Variants in HBE1 observed in about 807,000 individuals in gnomAD.
The protein encoded by HBE1 is hemoglobin subunit epsilon.
Under a neutral mutation model 12.1 loss-of-function variants are expected in HBE1, and 10 were observed. That is an observed-to-expected ratio of 0.83 (90% CI 0.51 to 1.40). The LOEUF is 1.40. Ranked by LOEUF, HBE1 falls within the 40% of genes most tolerant of loss-of-function variation. The pLI, the probability that HBE1 is intolerant of heterozygous loss-of-function variation, is 0.00. For missense variants in HBE1, 172 were observed against 175.8 expected (o/e 0.98, Z 0.12); for synonymous variants, 78 against 70.4 (o/e 1.11, Z -0.54).
Position 5,269,645 on chromosome 11 carries a change from A to G in HBE1, c.124T>C (p.Phe42Leu). 1 of 1,613,614 alleles carries G rather than the reference A, an allele frequency of 6.2e-7. No homozygotes were observed. The highest frequency in any genetic ancestry group is 8.5e-7 in the Non-Finnish European group (1 of 1,179,534). Residue 42 changes from phenylalanine to leucine, a missense_variant, in exon 2 of 3, where the codon TTT becomes CTT. By Grantham distance (22) the Phe-to-Leu change is conservative (BLOSUM62 0). Transcript: ENST00000396895. ...LLVVYPWTQR[F>L]FDSFGNLSSP... is the part of the protein sequence containing the mutation. The stretch of plus-strand genomic sequence containing the variant: ...GACAGGTTTCCAAAGCTGTCAAAAA[A>G]TCTCTGGGTCCAGGGGTAAACAACG...
chr11:5,268,777 A>G (rs1370586633), intron 2 of HBE1, among the ~76,000 whole-genome samples, 180 bp from the exon 3 acceptor site: 3 of 152,180 alleles, frequency 2.0e-5, no homozygotes, highest in Admixed American at 6.5e-5. Flanking sequence ...GCTTAGGTTC[A>G]ATTTTATTCT....
Position 5,269,894 on chromosome 11 carries a change from G to T in HBE1, c.-4C>A. On this transcript the variant is annotated 5_prime_UTR_variant, in exon 1 of 3. Coordinates refer to ENST00000396895, the MANE Select transcript of HBE1 (RefSeq NM_005330.4). ...CCTCAGCAGTAAAATGCACCATGAT[G>T]CCAGGCCTGAGAGCTTGCTAGTGAT... 6.2e-7 allele frequency: 1 copy of T among 1,607,134 alleles called. No individual in the cohort carries two copies. The highest frequency in any genetic ancestry group is 8.5e-7 in the Non-Finnish European group (1 of 1,174,046).
rs1848169817 is a variant in HBE1, at chr11:5,269,611, G to A, written c.158C>T (p.Ser53Phe). ...FDSFGNLSSP[S>F]AILGNPKVKA... ...GACCTTGGGGTTGCCCAGGATGGCA[G>A]AGGGAGACGACAGGTTTCCAAAGCT... The change falls in exon 2 of 3, where the codon TCT becomes TTT. Residue 53 changes from serine (S) to phenylalanine (F), a missense_variant. By Grantham distance (155) the Ser-to-Phe change is radical. Transcript: ENST00000396895. The A allele has an allele frequency of 3.1e-6, 5 of 1,613,510 alleles. No individual in the cohort carries two copies. Among genetic ancestry groups the A allele is most frequent in the Non-Finnish European group, 3.4e-6 (4 of 1,179,520 alleles).
At chr11:5,269,254 T>C (rs1276120999) in intron 2 of HBE1, among the ~76,000 whole-genome samples, 200 bp downstream of exon 2, 2 of 152,172 alleles carry the variant, frequency 1.3e-5, no homozygotes, top group Non-Finnish European at 2.9e-5. Context: ...TTAAGCCAAT[T>C]CAGGCTGTTA....
At chr11:5,269,431 A>T in intron 2 of HBE1, 23 bp downstream of exon 2, 1 of 1,537,094 alleles carries the variant, frequency 6.5e-7, no homozygotes, top group Non-Finnish European at 9.0e-7. Flanking sequence ...CCAAAAAATC[A>T]CATCACCAGC....
rs201273260 is a variant in HBE1, at chr11:5,269,595, G to A, written c.174C>T (p.Asn58=). The A allele has an allele frequency of 6.2e-7, 1 of 1,613,404 alleles. No homozygotes were observed. The highest frequency in any genetic ancestry group is 1.3e-5 in the African/African-American group (1 of 74,900). The stretch of plus-strand genomic sequence containing the variant: ...TCTTGCCATGGGCCTTGACCTTGGG[G>A]TTGCCCAGGATGGCAGAGGGAGACG... ...NLSSPSAILG[N]PKVKAHGKKV... The change falls in exon 2 of 3, where the codon AAC becomes AAT. Residue 58 remains asparagine, a synonymous_variant. Coordinates refer to ENST00000396895, the MANE Select transcript of HBE1 (RefSeq NM_005330.4).
At position 5,268,388 on chromosome 11, in the gene HBE1, T is replaced by A. The variant is rs1488193597; in HGVS notation, c.*81A>T. The A allele has an allele frequency of 1.5e-5, 20 of 1,292,348 alleles. No homozygotes were observed. 80.1% of individuals were successfully genotyped at this position (1,292,348 alleles called of 1,614,324 possible). A position where few individuals can be genotyped will look rare whatever the true frequency, so the allele number is the denominator to read the frequency against. ...AATGTACTTTATTAAACAGAAGGCT[T>A]TCTCTCAAGGCCAAGCCCAGTCCCC... On this transcript the variant is annotated 3_prime_UTR_variant, in exon 3 of 3. Transcript: ENST00000396895.
intron 2 of HBE1, 135 bp downstream of exon 2, chr11:5,269,319 A>G: frequency 1.4e-6 from 1 of 735,012 alleles, no homozygotes; most frequent in East Asian, 2.6e-5. Context: ...TATGCTCACT[A>G]GAAGTCTGCT....
chr11:5,268,434 AGG>A lies in HBE1; in HGVS notation c.*33_*34del. The stretch of plus-strand genomic sequence containing the variant: ...TCCCCATGTGCAGAAGGAGGGTGTC[AGG>A]GTCACAGGAACACCTGCAAACTGGA... On this transcript the variant is annotated 3_prime_UTR_variant, in exon 3 of 3. Transcript: ENST00000396895. 6.3e-7 allele frequency: 1 copy of A among 1,598,898 alleles called. No homozygotes were observed. The highest frequency in any genetic ancestry group is 1.1e-5 in the South Asian group (1 of 89,930).
At position 5,268,556 on chromosome 11, in the gene HBE1, A is replaced by G. The variant is rs764066124; in HGVS notation, c.357T>C (p.Phe119=). ...GCACTTCAGGGGTGAACTCCTTGCC[A>G]AAGTGAGTAGCCAGAATAATCACCA... ...NVMVIILATH[F]GKEFTPEVQA... The change falls in exon 3 of 3, where the codon TTT becomes TTC. Residue 119 remains phenylalanine (F), a synonymous_variant. Coordinates refer to ENST00000396895, the MANE Select transcript of HBE1 (RefSeq NM_005330.4). 12 of 1,613,614 alleles carry G rather than the reference A, an allele frequency of 7.4e-6. No homozygotes were observed. In the South Asian group the frequency reaches 1.3e-4, roughly 18 times the overall value.
intron 2 of HBE1, among the ~76,000 whole-genome samples, chr11:5,269,181 A>G (rs1043172659): frequency 1.3e-5 from 2 of 152,170 alleles, no homozygotes; most frequent in African/African-American, 4.8e-5. Flanking sequence ...TCACAAGTCT[A>G]CAATTCTATA....
rs750655920 is a variant in HBE1 at position 5,268,482 on chromosome 11, T to C, written c.431A>G (p.His144Arg). ...CTGGAAGAGAACTCAGTGGTACTTA[T>C]GGGCCAGGGCAATGGCGACAGCAGA... The part of the protein sequence containing the change: ...LVSAVAIALA[H>R]KYH Residue 144 changes from histidine to arginine, a missense_variant, in exon 3 of 3, where the codon CAT (histidine) becomes CGT (arginine). Coordinates refer to ENST00000396895, the MANE Select transcript of HBE1 (RefSeq NM_005330.4). The C allele has an allele frequency of 8.1e-6, 13 of 1,613,684 alleles. No individual in the cohort carries two copies. Among genetic ancestry groups the C allele is most frequent in the Non-Finnish European group, 1.0e-5 (12 of 1,179,794 alleles).
intron 2 of HBE1, among the ~76,000 whole-genome samples, chr11:5,268,958 C>G (rs1848162729): frequency 6.6e-6 from 1 of 152,112 alleles, no homozygotes; most frequent in Non-Finnish European, 1.5e-5. Flanking sequence ...AAATCCCCAA[C>G]AAATTCGGAA....
chr11:5,268,391 T>C lies in HBE1; in HGVS notation c.*78A>G, dbSNP rs2133623043. On this transcript the variant is annotated 3_prime_UTR_variant, in exon 3 of 3. Transcript: ENST00000396895. ...GTACTTTATTAAACAGAAGGCTTTC[T>C]CTCAAGGCCAAGCCCAGTCCCCATG... 7.5e-7 allele frequency: 1 copy of C among 1,326,584 alleles called. No homozygotes were observed. The highest frequency in any genetic ancestry group is 1.0e-6 in the Non-Finnish European group (1 of 963,622). 82.2% of individuals were successfully genotyped at this position (1,326,584 alleles called of 1,614,324 possible).
chr11:5,269,118 C>G (rs902473965), intron 2 of HBE1, among the ~76,000 whole-genome samples: 2 of 152,280 alleles, frequency 1.3e-5, no homozygotes, highest in Admixed American at 1.3e-4. Context: ...TAAGGCATTT[C>G]TATTTCCTTG....
chr11:5,268,670 C>A, intron 2 of HBE1, 73 bp from the exon 3 acceptor site: 8 of 1,325,258 alleles, frequency 6.0e-6, no homozygotes, highest in East Asian at 2.3e-5. Flanking sequence ...GATGAAAAAA[C>A]AAACAAACAA....
At chr11:5,269,431 A>G in intron 2 of HBE1, 23 bp downstream of exon 2, 1 of 1,537,096 alleles carries the variant, frequency 6.5e-7, no homozygotes, top group Non-Finnish European at 9.0e-7. Context: ...CCAAAAAATC[A>G]CATCACCAGC....
Position 5,269,491 on chromosome 11 carries a change from T to A in HBE1, c.278A>T (p.His93Leu). The A allele has an allele frequency of 6.2e-7, 1 of 1,614,060 alleles. No homozygotes were observed. The highest frequency in any genetic ancestry group is 8.5e-7 in the Non-Finnish European group (1 of 1,179,924). The stretch of plus-strand genomic sequence containing the variant: ...AGGATCCACATGCAGCTTGTCACAG[T>A]GCAGCTCACTCAGCTTAGCAAAGGC... ...KPAFAKLSEL[H>L]CDKLHVDPEN... Residue 93 changes from histidine (H) to leucine (L), a missense_variant, in exon 2 of 3, where the codon CAC (histidine) becomes CTC (leucine). Coordinates refer to ENST00000396895, the MANE Select transcript of HBE1 (RefSeq NM_005330.4).
At position 5,269,665 on chromosome 11, in the gene HBE1, A is replaced by C; in HGVS notation, c.104T>G (p.Val35Gly). ...AAAAAATCTCTGGGTCCAGGGGTAA[A>C]CAACGAGGAGTCTATGAAATGACAC... ...GGEALGRLLV[V>G]YPWTQRFFDS... Residue 35 changes from valine (V) to glycine (G), a missense_variant, in exon 2 of 3, where the codon GTT becomes GGT. Physicochemically the swap from Val to Gly is moderately radical, Grantham distance 109 (BLOSUM62 -3). Transcript: ENST00000396895. 1 of 1,612,690 alleles carries C rather than the reference A, an allele frequency of 6.2e-7. No individual in the cohort carries two copies. The highest frequency in any genetic ancestry group is 1.1e-5 in the South Asian group (1 of 91,048).
Sources: allele counts gnomAD v4.1 joint callset (sites outside exome capture counted in the v4.1 genomes callset), GRCh38; gene constraint gnomAD v4.1.1; transcripts MANE v1.5; gene names NCBI Gene and HGNC (gene_info 2026-07-23, HGNC 2026-07-21).